Variants in PLEKHA7 observed in about 807,000 individuals in gnomAD.
PLEKHA7 encodes the protein pleckstrin homology domain-containing family A member 7.
Under a neutral mutation model 170.0 loss-of-function variants are expected in PLEKHA7, and 104 were observed. The observed-to-expected ratio is 0.61, with a 90% CI of 0.52 to 0.72. PLEKHA7 has a LOEUF of 0.72. Among genes scored for constraint, PLEKHA7 ranks in the 30% least tolerant of loss-of-function variants. The pLI, the probability that PLEKHA7 is intolerant of heterozygous loss-of-function variation, is 0.00. For missense variants in PLEKHA7, 1,615 were observed against 1,671.7 expected (o/e 0.97, Z 0.59); for synonymous variants, 648 against 660.8 (o/e 0.98, Z 0.30).
rs1478788963 is a variant in PLEKHA7, at chr11:16,801,160, C to T, written c.2308-85G>A. ...ACGAACACCTGTACTCCTGACCATG[C>T]TGACCCAGCCAGGGGAAGAGGGAAG... On this transcript the variant is annotated intron_variant, in intron 16 of 26. Transcript: ENST00000531066. The T allele has an allele frequency of 5.2e-6, 6 of 1,163,962 alleles. No homozygotes were observed. In the East Asian group the frequency reaches 1.2e-4, roughly 23 times the overall value. The allele number at this position is 1,163,962 out of a possible 1,614,324, so 72.1% of individuals were successfully genotyped here.
rs557255009 is a variant in PLEKHA7 at position 16,939,160 on chromosome 11, C to T, written c.222-67978G>A. Reference sequence around the variant, plus strand: ...GACACAGTGACTCCCTCCTATAGTCCCAGCGCTTTGGGAGGCTGAAGCAGG... The same window carrying T: ...GACACAGTGACTCCCTCCTATAGTCTCAGCGCTTTGGGAGGCTGAAGCAGG... On this transcript the variant is annotated intron_variant, in intron 3 of 26. Coordinates refer to ENST00000531066, the MANE Select transcript of PLEKHA7 (RefSeq NM_001329630.2). Among the ~76,000 whole-genome samples, 61 of 152,232 alleles carry T rather than the reference C, an allele frequency of 4.0e-4. 1 individual carries two copies. The highest frequency in any genetic ancestry group is 1.4e-3 in the African/African-American group (58 of 41,562).
chr11:17,008,361 T>A (rs913283225), intron 3 of PLEKHA7, among the ~76,000 whole-genome samples: 2 of 152,096 alleles, frequency 1.3e-5, no homozygotes, highest in African/African-American at 4.8e-5. Context: ...TGCAGAGCAA[T>A]AAGGATATGA....
At chr11:16,903,009 A>G (rs1026899800) in intron 3 of PLEKHA7, among the ~76,000 whole-genome samples, 1 of 152,212 alleles carries the variant, frequency 6.6e-6, no homozygotes, top group Non-Finnish European at 1.5e-5. Context: ...AGCTCAAAAG[A>G]GTTGAATTAA....
chr11:16,913,581 G>A (rs943474619), intron 3 of PLEKHA7, among the ~76,000 whole-genome samples: 1 of 152,230 alleles, frequency 6.6e-6, no homozygotes, highest in Non-Finnish European at 1.5e-5. Flanking sequence ...TCCACTGAGG[G>A]GAAGCGACAG....
chr11:16,911,344 A>AG (rs960754490), intron 3 of PLEKHA7, among the ~76,000 whole-genome samples: 11 of 152,288 alleles, frequency 7.2e-5, no homozygotes, highest in African/African-American at 2.4e-4. Flanking sequence ...ACAGAAGCTA[A>AG]GGGGCAGCTG....
At chr11:16,813,906 G>A (rs764151649) in intron 12 of PLEKHA7, among the ~76,000 whole-genome samples, 12 of 152,312 alleles carry the variant, frequency 7.9e-5, no homozygotes, top group South Asian at 2.1e-4. Context: ...ATGCTTTCCC[G>A]TGTAGCAGAT....
intron 3 of PLEKHA7, among the ~76,000 whole-genome samples, chr11:17,006,224 G>A (rs1032041883): frequency 6.6e-6 from 1 of 151,854 alleles, no homozygotes; most frequent in African/African-American, 2.4e-5. Context: ...CCCGGGCATG[G>A]TGGTGGGCGC....
At chr11:16,868,455 A>T (rs887967962) in intron 4 of PLEKHA7, among the ~76,000 whole-genome samples, 4 of 152,220 alleles carry the variant, frequency 2.6e-5, no homozygotes, top group African/African-American at 9.6e-5. Context: ...GGGGAGATGT[A>T]TCTGTTCACA....
intron 3 of PLEKHA7, among the ~76,000 whole-genome samples, chr11:16,876,048 C>A (rs12795133): frequency 0.05 from 7,600 of 152,170 alleles, 360 homozygotes; most frequent in African/African-American, 0.12. Context: ...CTATTAAACG[C>A]TGGCTCCCCA....
chr11:16,848,601 T>C (rs999447569), intron 8 of PLEKHA7, among the ~76,000 whole-genome samples: 2 of 152,232 alleles, frequency 1.3e-5, no homozygotes, highest in African/African-American at 4.8e-5. Context: ...ATAATTATTG[T>C]GATTTTAAAA....
chr11:16,927,617 A>G (rs1003733024), intron 3 of PLEKHA7, among the ~76,000 whole-genome samples: 4 of 152,244 alleles, frequency 2.6e-5, no homozygotes, highest in African/African-American at 9.6e-5. Context: ...TTTGAATAAT[A>G]ACTTCCAGTA....
chr11:16,817,178 C>A lies in PLEKHA7; in HGVS notation c.1488G>T (p.Lys496Asn). The A allele has an allele frequency of 6.2e-7, 1 of 1,614,174 alleles. No homozygotes were observed. The change falls in exon 11 of 27, where the codon AAG becomes AAT. Residue 496 changes from lysine to asparagine, a missense_variant. Lys to Asn is a moderately conservative substitution (Grantham distance 94). Coordinates refer to ENST00000531066, the MANE Select transcript of PLEKHA7 (RefSeq NM_001329630.2). This position sits in a 1 kb window ranked among gnomAD's most constrained non-coding sequence, Gnocchi z 4.4. ...PPPRNLPSDY[K>N]YAQDRASHLK... ...GGTGGCTGGCTCGGTCCTGCGCATA[C>A]TTGTAGTCACTTGGCAGGTTTCGGG...
In PLEKHA7 at chr11:16,784,968, T is replaced by C. The variant is rs1022495188; in HGVS notation, c.3517-1135A>G. ...CATGTTGGGGCTTCTTTTGTGAATC[T>C]GAGAACGCACAGACCTTTGGCTGTT... On this transcript the variant is annotated intron_variant, in intron 24 of 26. Transcript: ENST00000531066. Among the ~76,000 whole-genome samples the C allele has an allele frequency of 7.2e-5, 11 of 152,204 alleles. No homozygotes were observed. The South Asian group carries it at 1.2e-3, about 17-fold the overall frequency.
chr11:16,804,972 G>A (rs941308548), intron 13 of PLEKHA7, among the ~76,000 whole-genome samples: 4 of 152,228 alleles, frequency 2.6e-5, no homozygotes, highest in South Asian at 2.1e-4. Flanking sequence ...TTCTCAGGCA[G>A]AATGTGGGTT....
intron 9 of PLEKHA7, among the ~76,000 whole-genome samples, chr11:16,828,751 A>C (rs1850863933): frequency 6.6e-6 from 1 of 151,884 alleles, no homozygotes. Context: ...GGTGCTGCTG[A>C]CTCCCTGTCC....
chr11:16,936,883 A>G (rs577462702), intron 3 of PLEKHA7, among the ~76,000 whole-genome samples: 40 of 152,372 alleles, frequency 2.6e-4, no homozygotes, highest in Non-Finnish European at 4.6e-4. Flanking sequence ...ATAAGAACCC[A>G]TAACTCACAC....
intron 4 of PLEKHA7, 129 bp from the exon 5 acceptor site, chr11:16,856,043 G>T: frequency 1.4e-6 from 1 of 737,376 alleles, no homozygotes; most frequent in East Asian, 2.5e-5. Context: ...TTTGGAGGCT[G>T]CCTGACTCCA....
At chr11:16,969,742 T>C (rs550262686) in intron 3 of PLEKHA7, among the ~76,000 whole-genome samples, 1 of 152,184 alleles carries the variant, frequency 6.6e-6, no homozygotes, top group Non-Finnish European at 1.5e-5. Context: ...ACTTGAAAGA[T>C]GGAGAAGGCA....
intron 3 of PLEKHA7, among the ~76,000 whole-genome samples, chr11:16,929,820 T>C (rs1233853753): frequency 1.3e-5 from 2 of 151,738 alleles, no homozygotes; most frequent in Non-Finnish European, 2.9e-5. Flanking sequence ...CTGGCCAACA[T>C]GGTGAAACCC....
Sources: gnomAD v4.1 joint callset for allele counts (sites outside exome capture counted in the v4.1 genomes callset) on GRCh38, gnomAD v4.1.1 for gene constraint, Gnocchi (gnomAD v3.1) non-coding constraint, MANE v1.5 for transcripts, NCBI Gene and HGNC (gene_info 2026-07-23, HGNC 2026-07-21) for gene names.